Variants in MEGF10 observed in about 807,000 individuals in gnomAD.
MEGF10 encodes multiple epidermal growth factor-like domains protein 10.
Under a neutral mutation model 147.5 loss-of-function variants are expected in MEGF10, and 86 were observed. The ratio of observed to expected loss-of-function variants is 0.58; its 90% CI spans 0.49 to 0.70. MEGF10 has a LOEUF of 0.70. Ranked by LOEUF, MEGF10 falls within the 30% of genes least tolerant of loss-of-function variation. The pLI, the probability that MEGF10 is intolerant of heterozygous loss-of-function variation, is 0.00. For missense variants in MEGF10, 1,329 were observed against 1,487.3 expected, an observed-to-expected ratio of 0.89 and a Z score of 1.75; for synonymous variants, 478 against 525.5, an observed-to-expected ratio of 0.91 and a Z score of 1.24.
Position 127,419,227 on chromosome 5 carries a change from T to C in MEGF10, c.1413T>C (p.Cys471=). The change falls in exon 11 of 25, where the codon TGT becomes TGC. Residue 471 remains cysteine (C), a synonymous_variant. Transcript: ENST00000503335. ...TCTGCTCTCCTGTGGACGGGTCTTG[T>C]ACTTGCAAGGCAGGTAAGAATGGGT... ...DAVCSPVDGS[C]TCKAGWHGVD... is the part of the protein sequence containing the mutation. 6.2e-7 allele frequency: 1 copy of C among 1,613,718 alleles called. No individual in the cohort carries two copies. The highest frequency in any genetic ancestry group is 8.5e-7 in the Non-Finnish European group (1 of 1,179,920).
At chr5:127,336,324 G>A (rs1214877423) in intron 2 of MEGF10, among the ~76,000 whole-genome samples, 1 of 151,742 alleles carries the variant, frequency 6.6e-6, no homozygotes, top group South Asian at 2.1e-4. Flanking sequence ...AAGCTATATT[G>A]TATTACTTTC....
At chr5:127,310,644 A>G (rs1248535315) in intron 1 of MEGF10, among the ~76,000 whole-genome samples, 2 of 152,178 alleles carry the variant, frequency 1.3e-5, no homozygotes, top group African/African-American at 4.8e-5. Flanking sequence ...GGTTGATTCC[A>G]CTTTCACCAT....
At chr5:127,455,670 T>C in intron 24 of MEGF10, 63 bp downstream of exon 24, 1 of 1,338,732 alleles carries the variant, frequency 7.5e-7, no homozygotes, top group Non-Finnish European at 1.1e-6. Context: ...TTTTAAAGTC[T>C]TTACGAATAT....
the MEGF10 span, among the ~76,000 whole-genome samples, chr5:127,247,352 A>G: frequency 5.0e-4 from 1 of 1,996 alleles, no homozygotes; most frequent in Non-Finnish European, 9.2e-4. Context: ...AAGAAGAAGA[A>G]GAAGAAGAAG....
intron 4 of MEGF10, among the ~76,000 whole-genome samples, chr5:127,359,068 T>G (rs1048739109): frequency 4.6e-5 from 7 of 152,158 alleles, no homozygotes; most frequent in African/African-American, 1.7e-4. Context: ...GTTTTTTTTT[T>G]TTTCTGTATG....
Position 127,434,709 on chromosome 5 carries a change from G to A in MEGF10, c.1863G>A (p.Gly621=). Residue 621 remains glycine, a synonymous_variant, in exon 15 of 25, where the codon GGG becomes GGA. Transcript: ENST00000503335. ...CAGTCTGCTCCCCTGGTTTTTATGG[G>A]CATCGCTGCAGCCAGACATGCCCAC... ...CQRICSPGFY[G]HRCSQTCPQC... The A allele has an allele frequency of 1.2e-6, 2 of 1,612,604 alleles. No homozygotes were observed. Among genetic ancestry groups the A allele is most frequent in the Non-Finnish European group, 1.7e-6 (2 of 1,179,310 alleles).
chr5:127,373,673 A>G (rs6877383), intron 5 of MEGF10, among the ~76,000 whole-genome samples: 2,443 of 152,296 alleles, frequency 0.016, 47 homozygotes, highest in South Asian at 0.076. Flanking sequence ...AGTAACTGGA[A>G]AGGAGAAAGT....
the MEGF10 span, among the ~76,000 whole-genome samples, chr5:127,282,115 A>G: frequency 6.6e-6 from 1 of 151,936 alleles, no homozygotes; most frequent in African/African-American, 2.4e-5. Flanking sequence ...GCTGGTTTCT[A>G]CCTCTTGCTA....
At chr5:127,412,424 A>G (rs1561630576) in intron 9 of MEGF10, among the ~76,000 whole-genome samples, 1 of 152,202 alleles carries the variant, frequency 6.6e-6, no homozygotes, top group African/African-American at 2.4e-5. Context: ...TCAAACCAAA[A>G]GGCATAGAAT....
chr5:127,293,294 G>T (rs916177658), intron 1 of MEGF10, among the ~76,000 whole-genome samples: 15 of 152,090 alleles, frequency 9.9e-5, no homozygotes, highest in African/African-American at 3.6e-4. Flanking sequence ...TAACAACATC[G>T]ATAATTAATG....
At chr5:127,268,109 G>T in the MEGF10 span, among the ~76,000 whole-genome samples, 2 of 152,106 alleles carry the variant, frequency 1.3e-5, no homozygotes, top group Non-Finnish European at 2.9e-5. Context: ...CAGAGATTCT[G>T]GTATGTTGTG....
Position 127,410,572 on chromosome 5 carries a change from G to A in MEGF10, c.1101G>A (p.Arg367=), listed in dbSNP as rs776043299. The A allele has an allele frequency of 6.2e-7, 1 of 1,610,396 alleles. No individual in the cohort carries two copies. The highest frequency in any genetic ancestry group is 1.7e-5 in the Admixed American group (1 of 59,984). The change falls in exon 9 of 25, where the codon CGG becomes CGA. Residue 367 remains arginine (R), a synonymous_variant. Coordinates refer to ENST00000503335, the MANE Select transcript of MEGF10 (RefSeq NM_001256545.2). ...EGLYGIKCDK[R]CPCHLENTHS... Reference sequence around the variant, plus strand: ...TCTACGGCATCAAATGTGACAAACGGTGTCCCTGCCACCTGGAAAACACTC... The same window carrying A: ...TCTACGGCATCAAATGTGACAAACGATGTCCCTGCCACCTGGAAAACACTC...
chr5:127,444,652 C>T (rs10519941), intron 19 of MEGF10: 73,118 of 152,030 alleles, frequency 0.48, 19,920 homozygotes, highest in Middle Eastern at 0.66. Context: ...TATCACTTGA[C>T]GGACCATAAG....
intron 1 of MEGF10, among the ~76,000 whole-genome samples, chr5:127,320,849 G>A (rs149640081): frequency 1.7e-3 from 266 of 152,306 alleles, no homozygotes; most frequent in African/African-American, 6.1e-3. Flanking sequence ...CTGGGTTAGT[G>A]GTTCAGAACT....
At chr5:127,274,650 G>C in the MEGF10 span, among the ~76,000 whole-genome samples, 3 of 151,816 alleles carry the variant, frequency 2.0e-5, no homozygotes, top group Non-Finnish European at 4.4e-5. Context: ...TTTGCCTTTG[G>C]TGTCACACTT....
At chr5:127,435,599 A>G (rs1765528633) in intron 16 of MEGF10, 110 bp downstream of exon 16, 1 of 1,086,736 alleles carries the variant, frequency 9.2e-7, no homozygotes, top group African/African-American at 1.6e-5. Context: ...ATATATGACT[A>G]ATTAAAAGAC....
At chr5:127,248,270 G>A in the MEGF10 span, among the ~76,000 whole-genome samples, 2 of 152,018 alleles carry the variant, frequency 1.3e-5, no homozygotes, top group Non-Finnish European at 2.9e-5. Context: ...ACTTTTAAAA[G>A]GGAGGCAATA....
chr5:127,301,975 G>A (rs778166766), intron 1 of MEGF10, among the ~76,000 whole-genome samples: 18 of 152,054 alleles, frequency 1.2e-4, no homozygotes, highest in Non-Finnish European at 2.6e-4. Context: ...ACAATATTTT[G>A]GAATACAAAA....
intron 1 of MEGF10, among the ~76,000 whole-genome samples, chr5:127,313,678 C>A (rs1760396104): frequency 6.6e-6 from 1 of 152,096 alleles, no homozygotes; most frequent in African/African-American, 2.4e-5. Flanking sequence ...ATGTTTCTTG[C>A]TAAATGTAAA....
Sources: allele counts gnomAD v4.1 joint callset (sites outside exome capture counted in the v4.1 genomes callset), GRCh38; gene constraint gnomAD v4.1.1; transcripts MANE v1.5; gene names NCBI Gene and HGNC (gene_info 2026-07-23, HGNC 2026-07-21).